BMP1: variants seen among roughly 807,000 people sequenced by gnomAD.
The protein encoded by BMP1 is mammalian tolloid protein.
A neutral mutation model predicts 116.8 loss-of-function variants in BMP1; 63 were observed. The ratio of observed to expected loss-of-function variants is 0.54; its 90% CI spans 0.44 to 0.67. The LOEUF is 0.67. Ranked by LOEUF, BMP1 falls within the 30% of genes least tolerant of loss-of-function variation. The pLI is 0.00. For missense variants in BMP1, 1,183 were observed against 1,358.9 expected, an observed-to-expected ratio of 0.87 and a Z score of 2.04; for synonymous variants, 536 against 533.4, an observed-to-expected ratio of 1.00 and a Z score of -0.07.
Position 22,211,831 on chromosome 8 carries a change from GC to G in BMP1, c.*107del. 1 of 1,566,134 alleles carries G rather than the reference GC, an allele frequency of 6.4e-7. No homozygotes were observed. On this transcript the variant is annotated 3_prime_UTR_variant, in exon 20 of 20. Coordinates refer to ENST00000306385, the MANE Select transcript of BMP1 (RefSeq NM_006129.5). ...GCAACGCACCATCCCTCTCCCCCAG[GC>G]CCCAGGACCTGCAGGGCCAATGGCC...
At chr8:22,190,413 A>G (rs1360863026) in intron 8 of BMP1, among the ~76,000 whole-genome samples, 2 of 152,190 alleles carry the variant, frequency 1.3e-5, no homozygotes, top group Non-Finnish European at 2.9e-5. Context: ...CGGCAGTGGC[A>G]TTGCCCTGGG....
chr8:22,210,852 G>A (rs935791500), intron 19 of BMP1, among the ~76,000 whole-genome samples: 1 of 152,232 alleles, frequency 6.6e-6, no homozygotes, highest in African/African-American at 2.4e-5. Context: ...TGAGTTGACC[G>A]GAAGGAACTT....
intron 16 of BMP1, among the ~76,000 whole-genome samples, chr8:22,205,395 G>A (rs1193583913): frequency 6.6e-6 from 1 of 152,178 alleles, no homozygotes; most frequent in East Asian, 1.9e-4. Flanking sequence ...AGCAGGCTGG[G>A]TGGTCAGCCC....
intron 15 of BMP1, chr8:22,199,402 C>T (rs1829193222): frequency 3.2e-6 from 4 of 1,266,692 alleles, no homozygotes; most frequent in Non-Finnish European, 4.1e-6. Context: ...GTGCCATCTC[C>T]TTGCCTGGGC....
intron 8 of BMP1, among the ~76,000 whole-genome samples, chr8:22,185,377 A>G (rs1435195617): frequency 6.6e-6 from 1 of 151,698 alleles, no homozygotes; most frequent in African/African-American, 2.4e-5. Context: ...GCTCGCTCAA[A>G]CCCGGGAGGT....
chr8:22,165,523 C>G lies in BMP1; in HGVS notation c.118C>G (p.Pro40Ala). 6.3e-7 allele frequency: 1 copy of G among 1,591,594 alleles called. No individual in the cohort carries two copies. The highest frequency in any genetic ancestry group is 1.1e-5 in the South Asian group (1 of 88,916). ...CCTGGCGGAGGAGGACGACTCGGAGCCCCTCAACTACAAAGACCCCTGCAA... is the reference window on the plus strand; with the variant it reads ...CCTGGCGGAGGAGGACGACTCGGAGGCCCTCAACTACAAAGACCCCTGCAA... ...YDLAEEDDSE[P>A]LNYKDPCKAA... is the part of the protein sequence containing the mutation. Residue 40 changes from proline (P) to alanine (A), a missense_variant, in exon 1 of 20, where the codon CCC becomes GCC. Around this residue, in one of 4 missense-constraint regions of BMP1, gnomAD observed 185 missense variants for 158.9 expected, o/e 1.16. Transcript: ENST00000306385.
chr8:22,166,300 A>G (rs970177690), intron 1 of BMP1, among the ~76,000 whole-genome samples: 8 of 151,616 alleles, frequency 5.3e-5, no homozygotes, highest in Non-Finnish European at 1.2e-4. Flanking sequence ...CAGATATTGT[A>G]TATCAGCTCT....
At chr8:22,168,755 C>T (rs560085204) in intron 1 of BMP1, among the ~76,000 whole-genome samples, 2 of 152,124 alleles carry the variant, frequency 1.3e-5, no homozygotes, top group African/African-American at 4.8e-5. Flanking sequence ...CCCACCCAGG[C>T]CCCTGCCCCT....
At chr8:22,208,343 A>C (rs1347546629) in intron 18 of BMP1, among the ~76,000 whole-genome samples, 2 of 152,244 alleles carry the variant, frequency 1.3e-5, no homozygotes, top group African/African-American at 2.4e-5. Context: ...GCTCTGCGAG[A>C]GGACTAAGGG....
intron 5 of BMP1, 159 bp from the exon 6 acceptor site, chr8:22,177,693 C>A: frequency 1.3e-6 from 1 of 768,718 alleles, no homozygotes; most frequent in Non-Finnish European, 2.4e-6. Context: ...AGACCCTCCC[C>A]ATTCCCCAGG....
rs181582182 is a variant in BMP1 at position 22,173,453 on chromosome 8, C to T, written c.149-149C>T. 2.8e-4 allele frequency: 153 copies of T among 554,972 alleles called. 2 individuals carry two copies. In the Admixed American group the frequency reaches 5.2e-3, roughly 19 times the overall value. 34.4% of individuals were successfully genotyped at this position (554,972 alleles called of 1,614,324 possible). On this transcript the variant is annotated intron_variant, in intron 1 of 19. Transcript: ENST00000306385. ...ATTCTATAAGCTGATCCCTAACTGC[C>T]CTTCTCCTTCTCGTTCAGATGGCAT... is the stretch of plus-strand genomic sequence containing the variant.
chr8:22,199,597 T>C (rs1829199720), intron 15 of BMP1, among the ~76,000 whole-genome samples: 1 of 152,226 alleles, frequency 6.6e-6, no homozygotes, highest in Non-Finnish European at 1.5e-5. Flanking sequence ...ACCCCTGCTG[T>C]GTACCAGGCA....
chr8:22,183,471 T>G (rs904015886), intron 8 of BMP1, among the ~76,000 whole-genome samples: 2 of 152,200 alleles, frequency 1.3e-5, no homozygotes, highest in African/African-American at 4.8e-5. Context: ...AGCTATGCCT[T>G]GGCTTCCTTT....
intron 18 of BMP1, 50 bp from the exon 19 acceptor site, chr8:22,209,395 C>G: frequency 6.3e-7 from 1 of 1,597,124 alleles, no homozygotes; most frequent in Non-Finnish European, 8.5e-7. Flanking sequence ...TGCCATGGGG[C>G]CTGGCACCTG....
At chr8:22,191,304 G>A (rs533730842) in intron 8 of BMP1, among the ~76,000 whole-genome samples, 2 of 152,334 alleles carry the variant, frequency 1.3e-5, no homozygotes, top group South Asian at 4.1e-4. Flanking sequence ...CACCCAGGCT[G>A]TTGTGACTGG....
At chr8:22,166,760 C>T (rs1257874782) in intron 1 of BMP1, among the ~76,000 whole-genome samples, 1 of 152,136 alleles carries the variant, frequency 6.6e-6, no homozygotes, top group Non-Finnish European at 1.5e-5. Flanking sequence ...TGGAGGAAAT[C>T]AGGGCAAATC....
In BMP1 at chr8:22,194,315, TG is replaced by T; in HGVS notation, c.1298-125del. On this transcript the variant is annotated intron_variant, in intron 10 of 19. Transcript: ENST00000306385. This position sits in a 1 kb window ranked among gnomAD's most constrained non-coding sequence, Gnocchi z 4.5. Reference sequence around the variant, plus strand: ...AGAGAATGATGGGATTGCCTGGGACTGGGGGTTTGGTGGGGAACTGAAAAGC... The same window carrying T: ...AGAGAATGATGGGATTGCCTGGGACTGGGGTTTGGTGGGGAACTGAAAAGC... 1 of 1,457,096 alleles carries T rather than the reference TG, an allele frequency of 6.9e-7. No homozygotes were observed. The allele number at this position is 1,457,096 out of a possible 1,614,324, so 90.3% of individuals were successfully genotyped here. A position where few individuals can be genotyped will look rare whatever the true frequency, so the allele number is the denominator to read the frequency against.
At chr8:22,207,807 G>A (rs533632031) in intron 18 of BMP1, among the ~76,000 whole-genome samples, 16 of 152,322 alleles carry the variant, frequency 1.1e-4, no homozygotes, top group Non-Finnish European at 1.9e-4. Flanking sequence ...GCGGGCCACC[G>A]CAGCAGCCCA....
At chr8:22,189,433 T>TACACACACACACACAC (rs10672713) in intron 8 of BMP1, among the ~76,000 whole-genome samples, 205 of 141,374 alleles carry the variant, frequency 1.5e-3, no homozygotes, top group African/African-American at 4.6e-3. Flanking sequence ...TTGATGGAGA[T>TACACACACACACACAC]ACACACACAC....
Sources: allele counts gnomAD v4.1 joint callset (sites outside exome capture counted in the v4.1 genomes callset), GRCh38; gene constraint gnomAD v4.1.1; regional missense constraint gnomAD v4.1.1; non-coding constraint Gnocchi (gnomAD v3.1); transcripts MANE v1.5; gene names NCBI Gene and HGNC (gene_info 2026-07-23, HGNC 2026-07-21).